Variants in AKAP3 observed in about 807,000 individuals in gnomAD.
AKAP3 encodes the protein A-kinase anchoring protein 3.
Under a neutral mutation model 57.2 loss-of-function variants are expected in AKAP3, and 27 were observed. That is an observed-to-expected ratio of 0.47 (90% CI 0.35 to 0.65). The LOEUF (loss-of-function observed/expected upper bound fraction) is 0.65, where lower values mean the gene tolerates loss of function less well. AKAP3 is among the 30% of genes least tolerant of loss of function. AKAP3 has a pLI of 0.01. For synonymous variants in AKAP3, 334 were observed against 392.3 expected, an observed-to-expected ratio of 0.85 and a Z score of 1.76; for missense variants, 959 against 1,040.0, an observed-to-expected ratio of 0.92 and a Z score of 1.07.
At chr12:4,616,888 C>T (rs1312063637) in intron 5 of AKAP3, among the ~76,000 whole-genome samples, 3 of 152,036 alleles carry the variant, frequency 2.0e-5, no homozygotes, top group Non-Finnish European at 2.9e-5. Flanking sequence ...AAGAGAAAAG[C>T]GATGATGCAA....
intron 5 of AKAP3, among the ~76,000 whole-genome samples, chr12:4,624,502 G>A (rs1357533815): frequency 1.3e-5 from 2 of 151,804 alleles, no homozygotes; most frequent in African/African-American, 4.8e-5. Flanking sequence ...TTTGAACTAT[G>A]CACACATATT....
rs574180493 is a variant in AKAP3, at chr12:4,627,875, T to C, written c.1027A>G (p.Ser343Gly). ...LIDSFLRNLH[S>G]VTGTLMTDTQ... is the part of the protein sequence containing the mutation. ...TCAGTCATGAGGGTCCCTGTGACGC[T>C]GTGGAGATTCCTCAAGAAGGAGTCG... The change falls in exon 5 of 6, where the codon AGC becomes GGC. Residue 343 changes from serine to glycine, a missense_variant. Coordinates refer to ENST00000228850, the MANE Select transcript of AKAP3 (RefSeq NM_001278309.2). 36 of 1,614,148 alleles carry C rather than the reference T, an allele frequency of 2.2e-5. No individual in the cohort carries two copies. The South Asian group carries it at 3.0e-4, about 13-fold the overall frequency.
intron 3 of AKAP3, 129 bp from the exon 4 acceptor site, chr12:4,638,325 C>A (rs977421786): frequency 7.4e-6 from 5 of 672,552 alleles, no homozygotes; most frequent in Non-Finnish European, 1.3e-5. Flanking sequence ...CCTTCCCCAA[C>A]AGCCACTTCA....
intron 4 of AKAP3, among the ~76,000 whole-genome samples, chr12:4,629,535 C>T (rs921366087): frequency 5.9e-5 from 9 of 152,100 alleles, no homozygotes; most frequent in African/African-American, 1.9e-4. Context: ...GGGTACTAGG[C>T]TTAATACCTG....
Position 4,649,050 on chromosome 12 carries a change from G to A in AKAP3, c.-550C>T. 1 of 1,520,338 alleles carries A rather than the reference G, an allele frequency of 6.6e-7. No individual in the cohort carries two copies. 94.2% of individuals were successfully genotyped at this position (1,520,338 alleles called of 1,614,324 possible). ...TCTTGGTTAGCGCTTGCGCAGACAG[G>A]CGAGAAAGGTAAGTTTTGACCCAGC... On this transcript the variant is annotated 5_prime_UTR_variant, in exon 1 of 6. Coordinates refer to ENST00000228850, the MANE Select transcript of AKAP3 (RefSeq NM_001278309.2).
chr12:4,637,975 C>A, intron 4 of AKAP3, 126 bp downstream of exon 4: 1 of 854,540 alleles, frequency 1.2e-6, no homozygotes, highest in Non-Finnish European at 1.9e-6. Context: ...GGGCTGATTT[C>A]CCACCTGCCT....
At position 4,627,829 on chromosome 12, in the gene AKAP3, A is replaced by C. The variant is rs75330501; in HGVS notation, c.1073T>G (p.Val358Gly). The C allele has an allele frequency of 6.2e-7, 1 of 1,614,010 alleles. No homozygotes were observed. The highest frequency in any genetic ancestry group is 8.5e-7 in the Non-Finnish European group (1 of 1,180,034). Residue 358 changes from valine (V) to glycine (G), a missense_variant, in exon 5 of 6, where the codon GTG becomes GGG. Physicochemically the swap from Val to Gly is moderately radical, Grantham distance 109. Coordinates refer to ENST00000228850, the MANE Select transcript of AKAP3 (RefSeq NM_001278309.2). ...TCCATGAGAGAAGACAGTTCTTTTC[A>C]CAGCCGAGACAAACTGTGTGTCAGT... is the stretch of plus-strand genomic sequence containing the variant. ...LMTDTQFVSAVKRTVFSHGSQ... is the reference protein window; with the variant it reads ...LMTDTQFVSAGKRTVFSHGSQ...
At position 4,627,260 on chromosome 12, in the gene AKAP3, G is replaced by A. The variant is rs749181694; in HGVS notation, c.1642C>T (p.Arg548Trp). ...HLAQGGRRDA[R>W]SFVEAAGTTN... ...GTGCCAGCAGCTTCAACGAAGCTCC[G>A]TGCATCCCTTCTTCCTCCCTGGGCC... The change falls in exon 5 of 6, where the codon CGG becomes TGG. Residue 548 changes from arginine to tryptophan, a missense_variant. Arg to Trp is a moderately radical substitution (Grantham distance 101). Transcript: ENST00000228850. The A allele has an allele frequency of 1.8e-5, 29 of 1,613,902 alleles. No homozygotes were observed. The highest frequency in any genetic ancestry group is 4.0e-5 in the African/African-American group (3 of 74,878).
chr12:4,637,138 A>G (rs1253006643), intron 4 of AKAP3, among the ~76,000 whole-genome samples: 1 of 152,246 alleles, frequency 6.6e-6, no homozygotes. Context: ...ATTTATTTTT[A>G]TATCTCTGAC....
chr12:4,624,316 CGTGTGTGT>C (rs71061197), intron 5 of AKAP3, among the ~76,000 whole-genome samples: 12,598 of 42,112 alleles, frequency 0.3, 587 homozygotes, highest in East Asian at 0.45. Flanking sequence ...TGTGACTTTA[CGTGTGTGT>C]GTGTGTGTGT....
chr12:4,628,538 C>A lies in AKAP3; in HGVS notation c.364G>T (p.Asp122Tyr), dbSNP rs141418694. 115 of 1,614,188 alleles carry A rather than the reference C, an allele frequency of 7.1e-5. No individual in the cohort carries two copies. In the African/African-American group the frequency reaches 1.4e-3, roughly 19 times the overall value. ...CGGTTAGCATAGAAGGAAACTTCAT[C>A]TACTGAACTCCCGTTGCCAAGTTGG... ...RAQLGNGSSV[D>Y]EVSFYANRLT... The change falls in exon 5 of 6, where the codon GAT (aspartate) becomes TAT (tyrosine). Residue 122 changes from aspartate (D) to tyrosine (Y), a missense_variant. Physicochemically the swap from Asp to Tyr is radical, Grantham distance 160. Coordinates refer to ENST00000228850, the MANE Select transcript of AKAP3 (RefSeq NM_001278309.2).
intron 4 of AKAP3, among the ~76,000 whole-genome samples, chr12:4,636,748 A>G (rs544027906): frequency 7.2e-5 from 11 of 152,316 alleles, no homozygotes; most frequent in African/African-American, 2.6e-4. Context: ...TGTTTGATAA[A>G]TGTTAACTTT....
intron 1 of AKAP3, among the ~76,000 whole-genome samples, chr12:4,647,578 C>T (rs1476951734): frequency 6.6e-6 from 1 of 151,888 alleles, no homozygotes; most frequent in African/African-American, 2.4e-5. Flanking sequence ...GAACATGAGG[C>T]AGTGTTTAAC....
intron 5 of AKAP3, among the ~76,000 whole-genome samples, chr12:4,624,496 A>G (rs1055105427): frequency 2.6e-5 from 4 of 151,990 alleles, no homozygotes; most frequent in Non-Finnish European, 4.4e-5. Context: ...TTGAATTTTG[A>G]ACTATGCACA....
intron 4 of AKAP3, among the ~76,000 whole-genome samples, chr12:4,633,970 CT>C (rs59050368): frequency 0.029 from 4,039 of 138,032 alleles, 81 homozygotes; most frequent in African/African-American, 0.068. Flanking sequence ...TATCTATATT[CT>C]TTTTTTTTTT....
intron 3 of AKAP3, 122 bp from the exon 4 acceptor site, chr12:4,638,318 T>C (rs1591534187): frequency 4.9e-5 from 34 of 692,338 alleles, no homozygotes. Context: ...ATAGAGACCT[T>C]CCCCAACAGC....
rs1945431745 is a variant in AKAP3, at chr12:4,627,346, T to C, written c.1556A>G (p.Asp519Gly). ...PPEKPENFMY[D>G]SDSWAEDLIV... ...CAGGTCCTCGGCCCAGGAGTCTGAATCATACATAAAATTCTCAGGTTTCTC... is the reference window on the plus strand; with the variant it reads ...CAGGTCCTCGGCCCAGGAGTCTGAACCATACATAAAATTCTCAGGTTTCTC... Residue 519 changes from aspartate to glycine, a missense_variant, in exon 5 of 6, where the codon GAT becomes GGT. Transcript: ENST00000228850. 1 of 1,614,084 alleles carries C rather than the reference T, an allele frequency of 6.2e-7. No homozygotes were observed. Among genetic ancestry groups the C allele is most frequent in the Admixed American group, 1.7e-5 (1 of 60,006 alleles).
intron 5 of AKAP3, among the ~76,000 whole-genome samples, chr12:4,618,886 C>A (rs1025160927): frequency 1.3e-5 from 2 of 152,128 alleles, no homozygotes; most frequent in Middle Eastern, 3.2e-3. Flanking sequence ...AGATAAGCCA[C>A]AAACTGAGAG....
chr12:4,642,214 T>A (rs1238001739), intron 2 of AKAP3, among the ~76,000 whole-genome samples: 1 of 152,246 alleles, frequency 6.6e-6, no homozygotes, highest in Non-Finnish European at 1.5e-5. Flanking sequence ...TTTGGGCCAA[T>A]GATTTCTTAA....
Sources: gnomAD v4.1 joint callset for allele counts (sites outside exome capture counted in the v4.1 genomes callset) on GRCh38, gnomAD v4.1.1 for gene constraint, MANE v1.5 for transcripts, NCBI Gene and HGNC (gene_info 2026-07-23, HGNC 2026-07-21) for gene names.